DNAI2: variants seen among roughly 807,000 people sequenced by gnomAD.
DNAI2 encodes the protein dynein, axonemal, intermediate polypeptide 2.
A neutral mutation model predicts 74.7 loss-of-function variants in DNAI2; 63 were observed. That is an observed-to-expected ratio of 0.84 (90% CI 0.69 to 1.04). DNAI2 has a LOEUF of 1.04. Among genes scored for constraint, DNAI2 ranks in the 50% least tolerant of loss-of-function variants. The pLI is 0.00. For missense variants in DNAI2, 688 were observed against 803.2 expected (o/e 0.86, Z 1.73); for synonymous variants, 289 against 314.9 (o/e 0.92, Z 0.87).
intron 6 of DNAI2, among the ~76,000 whole-genome samples, chr17:74,298,163 T>C (rs1176826430): frequency 6.6e-6 from 1 of 152,228 alleles, no homozygotes; most frequent in Non-Finnish European, 1.5e-5. Context: ...TGGTTTTTCA[T>C]GCCAGCTCAT....
intron 6 of DNAI2, among the ~76,000 whole-genome samples, chr17:74,298,771 G>A (rs1041615606): frequency 4.6e-5 from 7 of 152,008 alleles, no homozygotes; most frequent in Admixed American, 1.3e-4. Flanking sequence ...CGAGTAGCAT[G>A]TGCCACCATG....
At chr17:74,295,660 A>G (rs1352100514) in intron 6 of DNAI2, among the ~76,000 whole-genome samples, 1 of 151,988 alleles carries the variant, frequency 6.6e-6, no homozygotes, top group African/African-American at 2.4e-5. Context: ...TTTTTTTATT[A>G]AAAACTATAC....
In DNAI2 at chr17:74,276,145, T is replaced by A. The variant is rs556174491; in HGVS notation, c.-12+1800T>A. Among the ~76,000 whole-genome samples the A allele has an allele frequency of 5.0e-4, 52 of 104,222 alleles. No individual in the cohort carries two copies. In the East Asian group the frequency reaches 9.7e-3, roughly 19 times the overall value. The allele number at this position is 104,222 out of a possible 152,430, so 68.4% of individuals were successfully genotyped here. ...TTCCTCCCAGCTTGGAAAACACACT[T>A]TCCCTTAAGCCACCGGAGGTTCTCT... On this transcript the variant is annotated intron_variant, in intron 1 of 13. Transcript: ENST00000311014.
intron 11 of DNAI2, 48 bp from the exon 12 acceptor site, chr17:74,311,955 C>CCAAA: frequency 1.3e-6 from 2 of 1,582,122 alleles, no homozygotes; most frequent in Non-Finnish European, 1.7e-6. Context: ...GAGTCGCTTG[C>CCAAA]CATCCTGCCC....
chr17:74,314,005 C>A, intron 12 of DNAI2, 116 bp from the exon 13 acceptor site: 2 of 1,566,318 alleles, frequency 1.3e-6, no homozygotes, highest in Non-Finnish European at 8.7e-7. Context: ...GGGTGCTCAG[C>A]GACCCAGGCT....
chr17:74,285,071 G>T lies in DNAI2; in HGVS notation c.215G>T (p.Arg72Leu), dbSNP rs200668134. ...TCAGAGCGGTTTGAGATGGAGACCC[G>T]GGGAGTTAACCATGTCGAGGGGGGC... ...ANSERFEMET[R>L]GVNHVEGGWP... is the part of the protein sequence containing the mutation. Residue 72 changes from arginine (R) to leucine (L), a missense_variant, in exon 3 of 14, where the codon CGG becomes CTG. Transcript: ENST00000311014. 1.7e-5 allele frequency: 27 copies of T among 1,614,190 alleles called. No individual in the cohort carries two copies. The highest frequency in any genetic ancestry group is 2.2e-5 in the Non-Finnish European group (26 of 1,180,042).
chr17:74,282,778 G>A (rs1011663145), intron 2 of DNAI2, among the ~76,000 whole-genome samples: 55 of 152,360 alleles, frequency 3.6e-4, no homozygotes, highest in African/African-American at 5.8e-4. Flanking sequence ...TATGAACTAA[G>A]TGATTCACCC....
intron 9 of DNAI2, among the ~76,000 whole-genome samples, chr17:74,308,531 A>G (rs540450475): frequency 1.3e-4 from 19 of 151,672 alleles, no homozygotes; most frequent in African/African-American, 4.1e-4. Context: ...CCCTTTCTTT[A>G]TTTTATTTGA....
chr17:74,313,258 C>A (rs575386212), intron 12 of DNAI2, among the ~76,000 whole-genome samples: 17 of 152,310 alleles, frequency 1.1e-4, no homozygotes, highest in African/African-American at 4.1e-4. Flanking sequence ...CTGGTTCCAT[C>A]TTGTGATTTC....
At chr17:74,314,095 C>T (rs1420891808) in intron 12 of DNAI2, 26 bp from the exon 13 acceptor site, 2 of 1,613,954 alleles carry the variant, frequency 1.2e-6, no homozygotes, top group East Asian at 4.5e-5. Context: ...CCAACACCAA[C>T]ACTTCTGTGC....
At chr17:74,313,978 C>A in intron 12 of DNAI2, 143 bp from the exon 13 acceptor site, 2 of 1,363,818 alleles carry the variant, frequency 1.5e-6, no homozygotes, top group Non-Finnish European at 2.1e-6. Context: ...AGCCGCAGAG[C>A]TGGCACCCGG....
intron 11 of DNAI2, 146 bp downstream of exon 11, chr17:74,310,309 A>G: frequency 8.2e-7 from 1 of 1,215,534 alleles, no homozygotes; most frequent in Non-Finnish European, 1.1e-6. Flanking sequence ...TGTGGGCTCC[A>G]TAAATAGGTG....
intron 6 of DNAI2, among the ~76,000 whole-genome samples, chr17:74,296,906 G>A (rs1434664527): frequency 2.0e-5 from 3 of 152,152 alleles, no homozygotes; most frequent in African/African-American, 7.2e-5. Flanking sequence ...CCAAGATTCT[G>A]CTGTTTTTCT....
rs758810046 is a variant in DNAI2 at position 74,301,076 on chromosome 17, G to A, written c.895G>A (p.Glu299Lys). The change falls in exon 8 of 14, where the codon GAG becomes AAG. Residue 299 changes from glutamate (E) to lysine (K), a missense_variant. Physicochemically the swap from Glu to Lys is moderately conservative, Grantham distance 56 (BLOSUM62 1). Coordinates refer to ENST00000311014, the MANE Select transcript of DNAI2 (RefSeq NM_023036.6). ...VMWWDIRKMSEPTEVVILDIT... is the reference protein window; with the variant it reads ...VMWWDIRKMSKPTEVVILDIT... ...GTGGTGGGACATCCGAAAGATGAGC[G>A]AGCCCACTGAAGTTGTGATCTTGGA... 2.5e-6 allele frequency: 4 copies of A among 1,614,036 alleles called. No individual in the cohort carries two copies. The highest frequency in any genetic ancestry group is 3.3e-5 in the Admixed American group (2 of 60,018).
intron 3 of DNAI2, among the ~76,000 whole-genome samples, chr17:74,285,591 GC>G (rs551686536): frequency 0.019 from 2,119 of 110,020 alleles, 19 homozygotes; most frequent in Non-Finnish European, 0.031. Flanking sequence ...ACTTGCCAGT[GC>G]AAAAAAAAAA....
chr17:74,309,433 C>T, intron 10 of DNAI2, 45 bp downstream of exon 10: 1 of 1,613,526 alleles, frequency 6.2e-7, no homozygotes, highest in Non-Finnish European at 8.5e-7. Flanking sequence ...CTCAGGGAGC[C>T]AGGTCCCGGC....
intron 1 of DNAI2, among the ~76,000 whole-genome samples, chr17:74,277,384 C>A (rs1430209085): frequency 8.9e-5 from 11 of 123,830 alleles, no homozygotes; most frequent in African/African-American, 3.3e-4. Context: ...GAATCCATCT[C>A]AAAAAAAAAA....
chr17:74,308,845 C>A (rs575222865), intron 9 of DNAI2, among the ~76,000 whole-genome samples: 1 of 152,016 alleles, frequency 6.6e-6, no homozygotes, highest in African/African-American at 2.4e-5. Flanking sequence ...CTGTCAGACA[C>A]CTGAGGTCAA....
chr17:74,309,034 G>C (rs2053347386), intron 9 of DNAI2, among the ~76,000 whole-genome samples: 1 of 145,842 alleles, frequency 6.9e-6, no homozygotes, highest in Admixed American at 7.0e-5. Flanking sequence ...CTGCACTCCA[G>C]CCTGGGCAAC....
Sources: allele counts gnomAD v4.1 joint callset (sites outside exome capture counted in the v4.1 genomes callset), GRCh38; gene constraint gnomAD v4.1.1; transcripts MANE v1.5; gene names NCBI Gene and HGNC (gene_info 2026-07-23, HGNC 2026-07-21).